TLK2: variants seen among roughly 807,000 people sequenced by gnomAD.
TLK2 encodes tousled like kinase 2.
A neutral mutation model predicts 117.3 loss-of-function variants in TLK2; 6 were observed. The ratio of observed to expected loss-of-function variants is 0.05; its 90% CI spans 0.03 to 0.10. TLK2 has a LOEUF of 0.10. Among genes scored for constraint, TLK2 ranks in the 10% least tolerant of loss-of-function variants. The pLI is 1.00. For synonymous variants in TLK2, 257 were observed against 316.7 expected (o/e 0.81, Z 2.00); for missense variants, 299 against 901.2 (o/e 0.33, Z 8.56).
At chr17:62,513,589 T>C (rs2075331056) in intron 2 of TLK2, among the ~76,000 whole-genome samples, 1 of 152,186 alleles carries the variant, frequency 6.6e-6, no homozygotes, top group African/African-American at 2.4e-5. Context: ...TCCCACCTCA[T>C]GCTCTCAAAG....
At chr17:62,478,565 G>T, upstream of TLK2, among the ~76,000 whole-genome samples, 1 of 150,234 alleles carries the variant, frequency 6.7e-6, no homozygotes, top group South Asian at 2.1e-4. Flanking sequence ...GCCGCCCGTC[G>T]CCCGCCCTCA....
At chr17:62,590,907 T>C (rs1598802254) in intron 16 of TLK2, among the ~76,000 whole-genome samples, 1 of 152,252 alleles carries the variant, frequency 6.6e-6, no homozygotes, top group East Asian at 1.9e-4. Flanking sequence ...CAAATTGTAA[T>C]GCATCCTATT....
chr17:62,574,600 CT>C (rs2080616737), intron 12 of TLK2, among the ~76,000 whole-genome samples: 1 of 152,006 alleles, frequency 6.6e-6, no homozygotes, highest in Non-Finnish European at 1.5e-5. Flanking sequence ...TCACTGAAAC[CT>C]GTCTTCTGGG....
intron 2 of TLK2, among the ~76,000 whole-genome samples, chr17:62,485,883 C>A (rs1298698618): frequency 1.4e-5 from 2 of 143,486 alleles, no homozygotes; most frequent in Non-Finnish European, 3.0e-5. Flanking sequence ...TGCAGTGATG[C>A]AATCTCTACT....
At chr17:62,538,033 G>GTTTTTT (rs57512334) in intron 7 of TLK2, among the ~76,000 whole-genome samples, 42 of 106,168 alleles carry the variant, frequency 4.0e-4, no homozygotes, top group Admixed American at 4.7e-4. Context: ...TTAAATCTTT[G>GTTTTTT]TTTTTTTTTT....
intron 13 of TLK2, among the ~76,000 whole-genome samples, chr17:62,577,346 A>G (rs2080886355): frequency 6.6e-6 from 1 of 152,164 alleles, no homozygotes; most frequent in Non-Finnish European, 1.5e-5. Context: ...ATAATTCTGT[A>G]CACATCATAA....
intron 2 of TLK2, among the ~76,000 whole-genome samples, chr17:62,514,138 A>G (rs1355300204): frequency 6.6e-6 from 1 of 151,730 alleles, no homozygotes; most frequent in African/African-American, 2.4e-5. Flanking sequence ...AACACAGCAA[A>G]TAAATAATAA....
chr17:62,580,667 G>T (rs2081147570), intron 15 of TLK2, among the ~76,000 whole-genome samples: 2 of 152,282 alleles, frequency 1.3e-5, no homozygotes, highest in Admixed American at 6.5e-5. Context: ...GGCTTAGAGT[G>T]CTTCAGTTGG....
intron 7 of TLK2, among the ~76,000 whole-genome samples, chr17:62,545,959 G>A (rs532145765): frequency 6.6e-6 from 1 of 152,200 alleles, no homozygotes; most frequent in East Asian, 1.9e-4. Flanking sequence ...TCAGTTCAGT[G>A]CAACCTCTGC....
intron 16 of TLK2, among the ~76,000 whole-genome samples, chr17:62,594,800 A>G (rs2082338524): frequency 6.7e-5 from 4 of 59,964 alleles, no homozygotes; most frequent in Middle Eastern, 0.011. Context: ...ACACACACAC[A>G]CACACACACA....
At chr17:62,479,926 G>A (rs1340134489) in intron 1 of TLK2, among the ~76,000 whole-genome samples, 3 of 152,214 alleles carry the variant, frequency 2.0e-5, no homozygotes. Context: ...GGCCACGGGG[G>A]AAACTCATTC....
chr17:62,560,182 T>TTGC, intron 10 of TLK2, 56 bp downstream of exon 10: 1 of 1,107,722 alleles, frequency 9.0e-7, no homozygotes, highest in South Asian at 1.8e-5. Context: ...ATGTGTGTCA[T>TTGC]TGTGTGGCTT....
intron 7 of TLK2, among the ~76,000 whole-genome samples, chr17:62,549,418 A>AAAAAAG (rs2078229115): frequency 1.2e-4 from 1 of 8,536 alleles, no homozygotes; most frequent in African/African-American, 1.6e-4. Flanking sequence ...AAAAAAAAAA[A>AAAAAAG]AAAAAAAAAA....
chr17:62,559,371 T>TA (rs962826831), intron 9 of TLK2, among the ~76,000 whole-genome samples: 37 of 151,918 alleles, frequency 2.4e-4, no homozygotes, highest in Admixed American at 5.2e-4. Flanking sequence ...TAGTTTATTT[T>TA]TTTTTTATTT....
intron 16 of TLK2, among the ~76,000 whole-genome samples, chr17:62,590,744 G>T (rs1479437508): frequency 6.6e-6 from 1 of 152,194 alleles, no homozygotes; most frequent in Non-Finnish European, 1.5e-5. Flanking sequence ...CCGCCAAAGT[G>T]CTGGGATTAC....
chr17:62,593,289 A>T (rs1205832699), intron 16 of TLK2, among the ~76,000 whole-genome samples: 1 of 152,216 alleles, frequency 6.6e-6, no homozygotes, highest in Admixed American at 6.5e-5. Flanking sequence ...ATACTGTTGT[A>T]CACTACTGTA....
At position 62,600,830 on chromosome 17, in the gene TLK2, A is replaced by C. The variant is rs1598868457; in HGVS notation, c.1720+10A>C. ...TATGACCTCAAACCAGGTATGTCTA[A>C]CTTTTAGGAGACAGTATTAGTGGGT... On this transcript the variant is annotated intron_variant, in intron 18 of 21. Transcript: ENST00000346027. 2 of 1,593,268 alleles carry C rather than the reference A, an allele frequency of 1.3e-6. No individual in the cohort carries two copies. The highest frequency in any genetic ancestry group is 1.7e-6 in the Non-Finnish European group (2 of 1,172,680).
intron 7 of TLK2, 40 bp downstream of exon 7, chr17:62,536,377 G>A (rs2145843110): frequency 1.9e-6 from 3 of 1,567,634 alleles, no homozygotes; most frequent in Non-Finnish European, 2.6e-6. Flanking sequence ...CCTTTCCATT[G>A]CCCTAGTGCT....
chr17:62,475,137 C>T (rs1284713636), upstream of TLK2, among the ~76,000 whole-genome samples: 2 of 152,116 alleles, frequency 1.3e-5, no homozygotes, highest in Admixed American at 1.3e-4. Flanking sequence ...AAATAACTGG[C>T]TAAGTAACTA....
Sources: allele counts gnomAD v4.1 joint callset (sites outside exome capture counted in the v4.1 genomes callset), GRCh38; gene constraint gnomAD v4.1.1; transcripts MANE v1.5; gene names NCBI Gene and HGNC (gene_info 2026-07-23, HGNC 2026-07-21).